CCDC66: variants seen among roughly 807,000 people sequenced by gnomAD.
The protein encoded by CCDC66 is coiled-coil domain-containing protein 66.
Under a neutral mutation model 128.3 loss-of-function variants are expected in CCDC66, and 133 were observed. That is an observed-to-expected ratio of 1.04 (90% CI 0.90 to 1.20). CCDC66 has a LOEUF of 1.20. Ranked by LOEUF, CCDC66 falls within the 50% of genes most tolerant of loss-of-function variation. The pLI is 0.00. For synonymous variants in CCDC66, 387 were observed against 357.0 expected, an observed-to-expected ratio of 1.08 and a Z score of -0.95; for missense variants, 1,126 against 1,075.5, an observed-to-expected ratio of 1.05 and a Z score of -0.66.
rs190167275 is a variant in CCDC66, at chr3:56,602,228, A to C, written c.1404+8200A>C. Among the ~76,000 whole-genome samples, 14 of 152,136 alleles carry C rather than the reference A, an allele frequency of 9.2e-5. No individual in the cohort carries two copies. The East Asian group carries it at 2.3e-3, about 25-fold the overall frequency. ...TTTTTGTGCAACTATTGAGATAATC[A>C]TGTGGTTTTTGTCATTGGTTCTGTT... is the stretch of plus-strand genomic sequence containing the variant. On this transcript the variant is annotated intron_variant, in intron 10 of 17. Transcript: ENST00000394672.
intron 10 of CCDC66, among the ~76,000 whole-genome samples, chr3:56,606,592 C>T (rs766092393): frequency 1.4e-4 from 22 of 151,952 alleles, no homozygotes; most frequent in East Asian, 5.8e-4. Context: ...TGCTTCGGCT[C>T]GCTCTCTGTG....
intron 7 of CCDC66, among the ~76,000 whole-genome samples, chr3:56,584,839 C>T (rs1396134081): frequency 6.6e-6 from 1 of 151,960 alleles, no homozygotes; most frequent in African/African-American, 2.4e-5. Context: ...TCTGCAATCC[C>T]AGCACCTCGG....
intron 15 of CCDC66, chr3:56,618,443 C>G (rs965140567): frequency 3.1e-4 from 139 of 447,506 alleles, no homozygotes; most frequent in Admixed American, 6.9e-4. Flanking sequence ...TTACTTTTAT[C>G]TCTAGACTTA....
In CCDC66 at chr3:56,618,168, T is replaced by G. The variant is rs1259808620; in HGVS notation, c.2338-4T>G. On this transcript the variant is annotated splice_region_variant and splice_polypyrimidine_tract_variant and intron_variant, in intron 14 of 17. Transcript: ENST00000394672. The stretch of plus-strand genomic sequence containing the variant: ...CTTTCTGCATTTATCTATCCATATT[T>G]TAGGAAGAAGAGCCTCTGAATATTC... 2.5e-6 allele frequency: 4 copies of G among 1,609,154 alleles called. No homozygotes were observed. Among genetic ancestry groups the G allele is most frequent in the Non-Finnish European group, 3.4e-6 (4 of 1,175,694 alleles).
chr3:56,566,992 G>T lies in CCDC66; in HGVS notation c.753G>T (p.Gly251=). 2 of 1,614,112 alleles carry T rather than the reference G, an allele frequency of 1.2e-6. No homozygotes were observed. The highest frequency in any genetic ancestry group is 2.2e-5 in the South Asian group (2 of 91,080). ...CAGCTGATATATTCAGTACTCTGGGGGAAAGGGAATGTGATAGAAGTTCGT... is the reference window on the plus strand; with the variant it reads ...CAGCTGATATATTCAGTACTCTGGGTGAAAGGGAATGTGATAGAAGTTCGT... The part of the protein sequence containing the change: ...WKPADIFSTL[G]ERECDRSSLE... Residue 251 remains glycine, a synonymous_variant, in exon 6 of 18, where the codon GGG becomes GGT. Transcript: ENST00000394672.
intron 7 of CCDC66, chr3:56,572,242 G>A (rs1371618229): frequency 1.7e-6 from 1 of 580,058 alleles, no homozygotes; most frequent in Non-Finnish European, 2.9e-6. Flanking sequence ...TGTGTCTTGT[G>A]TAGTGCTTTT....
chr3:56,584,094 G>C (rs2069005751), intron 7 of CCDC66, among the ~76,000 whole-genome samples: 1 of 144,806 alleles, frequency 6.9e-6, no homozygotes, highest in Non-Finnish European at 1.5e-5. Context: ...GGACGGGGCG[G>C]CTGGCCGGGC....
intron 15 of CCDC66, chr3:56,618,513 G>T (rs145689279): frequency 1.0e-3 from 288 of 289,354 alleles, no homozygotes; most frequent in Non-Finnish European, 1.5e-3. Context: ...TGCTTTGGGA[G>T]GAGGGATGGC....
intron 7 of CCDC66, among the ~76,000 whole-genome samples, chr3:56,587,195 T>C (rs960782069): frequency 2.0e-5 from 3 of 151,932 alleles, no homozygotes; most frequent in Non-Finnish European, 4.4e-5. Flanking sequence ...AAAGAATCTA[T>C]AGATGAAATA....
chr3:56,601,593 T>C (rs2073179903), intron 10 of CCDC66, among the ~76,000 whole-genome samples: 1 of 152,088 alleles, frequency 6.6e-6, no homozygotes, highest in African/African-American at 2.4e-5. Flanking sequence ...TATTAATTCT[T>C]CCTATCCATG....
Position 56,558,855 on chromosome 3 carries a change from A to G in CCDC66, c.21A>G (p.Leu7=). Residue 7 remains leucine (L), a synonymous_variant, in exon 2 of 18, where the codon TTA becomes TTG. Coordinates refer to ENST00000394672, the MANE Select transcript of CCDC66 (RefSeq NM_001141947.3). ...TCTTTTTTTATTACAGAGATGGTTT[A>G]AAGCTTGAAACTGAATTACTGGATG... MNLGDG[L]KLETELLDGK... is the part of the protein sequence containing the mutation. The G allele has an allele frequency of 4.5e-6, 7 of 1,548,498 alleles. No individual in the cohort carries two copies. The highest frequency in any genetic ancestry group is 6.1e-6 in the Non-Finnish European group (7 of 1,144,572).
chr3:56,614,806 G>T (rs374382679), intron 11 of CCDC66, among the ~76,000 whole-genome samples: 1 of 152,042 alleles, frequency 6.6e-6, no homozygotes, highest in African/African-American at 2.4e-5. Flanking sequence ...CATTTGAACC[G>T]CAAGAAATGG....
In CCDC66 at chr3:56,598,395, T is replaced by G. The variant is rs534629576; in HGVS notation, c.1404+4367T>G. On this transcript the variant is annotated intron_variant, in intron 10 of 17. Transcript: ENST00000394672. ...TTATTTATTTTATTTATTTTCTAATTTAGGTGCCTTTTATTTATCTTGCCT... is the reference window on the plus strand; with the variant it reads ...TTATTTATTTTATTTATTTTCTAATGTAGGTGCCTTTTATTTATCTTGCCT... Among the ~76,000 whole-genome samples, 34 of 151,962 alleles carry G rather than the reference T, an allele frequency of 2.2e-4. 1 individual carries two copies. Among genetic ancestry groups the G allele is most frequent in the Non-Finnish European group, 4.7e-4 (32 of 68,008 alleles).
intron 7 of CCDC66, among the ~76,000 whole-genome samples, chr3:56,586,543 GA>G (rs969096018): frequency 2.3e-4 from 33 of 146,202 alleles, no homozygotes; most frequent in Admixed American, 1.6e-3. Flanking sequence ...AAAAAAAAAA[GA>G]AAAAAAGAAA....
Position 56,619,355 on chromosome 3 carries a change from C to T in CCDC66, c.2463C>T (p.Ser821=). The T allele has an allele frequency of 6.2e-7, 1 of 1,613,666 alleles. No individual in the cohort carries two copies. Among genetic ancestry groups the T allele is most frequent in the Non-Finnish European group, 8.5e-7 (1 of 1,179,770 alleles). ...NTLHLPLKNS[S]YERENLISGS... is the part of the protein sequence containing the mutation. ...TACATTTACCACTAAAAAACAGTAG[C>T]TATGAGAGAGAGAATTTGATCTCAG... Residue 821 remains serine, a synonymous_variant, in exon 16 of 18, where the codon AGC becomes AGT. Coordinates refer to ENST00000394672, the MANE Select transcript of CCDC66 (RefSeq NM_001141947.3).
At position 56,576,693 on chromosome 3, in the gene CCDC66, G is replaced by T. The variant is rs571946693; in HGVS notation, c.936+5391G>T. Among the ~76,000 whole-genome samples, 6 of 151,530 alleles carry T rather than the reference G, an allele frequency of 4.0e-5. No individual in the cohort carries two copies. The East Asian group carries it at 1.2e-3, about 30-fold the overall frequency. On this transcript the variant is annotated intron_variant, in intron 7 of 17. Coordinates refer to ENST00000394672, the MANE Select transcript of CCDC66 (RefSeq NM_001141947.3). ...CTCCTTGCAATAGTTTGCTTAGAAT[G>T]ATGGTTTCCAGCTTCATCCATGTCC... is the stretch of plus-strand genomic sequence containing the variant.
intron 10 of CCDC66, among the ~76,000 whole-genome samples, chr3:56,600,016 C>T (rs2072867422): frequency 6.6e-6 from 1 of 151,902 alleles, no homozygotes; most frequent in African/African-American, 2.4e-5. Context: ...TGCACTCATC[C>T]TTTTTTATGG....
Position 56,571,211 on chromosome 3 carries a change from A to G in CCDC66, c.845A>G (p.Lys282Arg). 1 of 1,532,132 alleles carries G rather than the reference A, an allele frequency of 6.5e-7. No individual in the cohort carries two copies. Among genetic ancestry groups the G allele is most frequent in the Non-Finnish European group, 8.9e-7 (1 of 1,123,502 alleles). The allele number at this position is 1,532,132 out of a possible 1,614,324, so 94.9% of individuals were successfully genotyped here. ...DEQVALKKKEKEVSEKWNDPW... is the reference protein window; with the variant it reads ...DEQVALKKKEREVSEKWNDPW... Reference sequence around the variant, plus strand: ...CAGGTTGCTTTAAAGAAGAAAGAAAAAGAAGTTTCTGAAAAATGGAATGAT... The same window carrying G: ...CAGGTTGCTTTAAAGAAGAAAGAAAGAGAAGTTTCTGAAAAATGGAATGAT... Residue 282 changes from lysine (K) to arginine (R), a missense_variant, in exon 7 of 18, where the codon AAA (lysine) becomes AGA (arginine). Coordinates refer to ENST00000394672, the MANE Select transcript of CCDC66 (RefSeq NM_001141947.3).
At chr3:56,575,538 C>T (rs2067240367) in intron 7 of CCDC66, among the ~76,000 whole-genome samples, 1 of 151,754 alleles carries the variant, frequency 6.6e-6, no homozygotes, top group Admixed American at 6.6e-5. Context: ...CTGTGAGCTA[C>T]TTTTTCACTC....
Sources: allele counts gnomAD v4.1 joint callset (sites outside exome capture counted in the v4.1 genomes callset), GRCh38; gene constraint gnomAD v4.1.1; transcripts MANE v1.5; gene names NCBI Gene and HGNC (gene_info 2026-07-23, HGNC 2026-07-21).